ZYG11B: variants seen among roughly 807,000 people sequenced by gnomAD.
ZYG11B encodes protein zyg-11 homolog B.
ZYG11B carries 36 observed loss-of-function variants against 82.4 expected under a neutral mutation model. That is an observed-to-expected ratio of 0.44 (90% CI 0.33 to 0.58). The LOEUF is 0.58. Among genes scored for constraint, ZYG11B ranks in the 20% least tolerant of loss-of-function variants. The pLI is 0.02. For synonymous variants in ZYG11B, 303 were observed against 312.8 expected (o/e 0.97, Z 0.33); for missense variants, 552 against 895.6 (o/e 0.62, Z 4.90).
intron 1 of ZYG11B, among the ~76,000 whole-genome samples, chr1:52,741,899 A>G (rs945528578): frequency 2.6e-5 from 4 of 152,142 alleles, no homozygotes; most frequent in African/African-American, 9.7e-5. Context: ...TAGAGGTGGC[A>G]TTTTAATCCA....
At chr1:52,741,315 A>AAAAAAAAAAAAAAAAAAAAAAAG (rs1553257617) in intron 1 of ZYG11B, among the ~76,000 whole-genome samples, 1 of 142,602 alleles carries the variant, frequency 7.0e-6, no homozygotes, top group African/African-American at 2.9e-5. Flanking sequence ...AAAAAAAAAA[A>AAAAAAAAAAAAAAAAAAAAAAAG]AAAAGAAAAG....
In ZYG11B at chr1:52,772,568, C is replaced by T. The variant is rs576710314; in HGVS notation, c.951+794C>T. ...GCTCCTTCACGTCGTCAGATGTCAA[C>T]TTCAACCAAGTGGGGAAGCTGCGTC... On this transcript the variant is annotated intron_variant, in intron 3 of 13. Coordinates refer to ENST00000294353, the MANE Select transcript of ZYG11B (RefSeq NM_024646.3). 4.4e-6 allele frequency: 7 copies of T among 1,605,052 alleles called. No homozygotes were observed. The South Asian group carries it at 6.6e-5, about 15-fold the overall frequency.
intron 2 of ZYG11B, among the ~76,000 whole-genome samples, chr1:52,768,015 C>G (rs2149936428): frequency 6.6e-6 from 1 of 152,278 alleles, no homozygotes; most frequent in South Asian, 2.1e-4. Flanking sequence ...TAACACCTCC[C>G]CTGTGGGCAG....
chr1:52,746,949 G>T (rs1644483075), intron 1 of ZYG11B, among the ~76,000 whole-genome samples: 1 of 149,608 alleles, frequency 6.7e-6, no homozygotes, highest in South Asian at 2.1e-4. Flanking sequence ...GAGGCCTTAT[G>T]GGTAAGACAA....
rs1558147102 is a variant in ZYG11B at position 52,823,351 on chromosome 1, C to T, written c.*1722C>T. The T allele has an allele frequency of 6.6e-6, 1 of 151,456 alleles. No homozygotes were observed. The allele number at this position is 151,456 out of a possible 1,614,324, so 9.4% of individuals were successfully genotyped here. ...GTGTGGTGGCACCTGGGAAACAGAGCGAGACGCTGACTCAAATAAATATCT... is the reference window on the plus strand; with the variant it reads ...GTGTGGTGGCACCTGGGAAACAGAGTGAGACGCTGACTCAAATAAATATCT... On this transcript the variant is annotated 3_prime_UTR_variant, in exon 14 of 14. Coordinates refer to ENST00000294353, the MANE Select transcript of ZYG11B (RefSeq NM_024646.3).
intron 1 of ZYG11B, among the ~76,000 whole-genome samples, chr1:52,734,054 A>G (rs905144786): frequency 6.6e-6 from 1 of 152,122 alleles, no homozygotes; most frequent in Non-Finnish European, 1.5e-5. Flanking sequence ...GCTGGAGTGC[A>G]GGGGCGTAAT....
chr1:52,795,502 C>CT (rs1644999832), intron 6 of ZYG11B, among the ~76,000 whole-genome samples: 2 of 152,100 alleles, frequency 1.3e-5, no homozygotes, highest in Admixed American at 1.3e-4. Context: ...AGAACTCTTC[C>CT]CTTGTTCTCT....
At chr1:52,731,872 G>A (rs963349398) in intron 1 of ZYG11B, among the ~76,000 whole-genome samples, 4 of 152,172 alleles carry the variant, frequency 2.6e-5, no homozygotes, top group East Asian at 1.9e-4. Context: ...GTGCAACCAC[G>A]GCTTGCTGCA....
intron 2 of ZYG11B, among the ~76,000 whole-genome samples, chr1:52,763,443 G>A (rs187972423): frequency 4.6e-5 from 7 of 152,108 alleles, no homozygotes; most frequent in Admixed American, 2.0e-4. Flanking sequence ...GCAGGGTCTC[G>A]CTTTGTTACC....
intron 10 of ZYG11B, among the ~76,000 whole-genome samples, chr1:52,809,255 C>A (rs970268630): frequency 5.9e-5 from 9 of 152,126 alleles, no homozygotes; most frequent in Non-Finnish European, 1.0e-4. Context: ...GTAGAACCAT[C>A]ACTACCACTC....
chr1:52,787,021 G>A (rs1644918781), intron 5 of ZYG11B, among the ~76,000 whole-genome samples: 1 of 151,940 alleles, frequency 6.6e-6, no homozygotes, highest in Non-Finnish European at 1.5e-5. Context: ...ACCCGGGAGG[G>A]GGAGGTTGCA....
intron 1 of ZYG11B, among the ~76,000 whole-genome samples, chr1:52,728,075 A>G (rs1644299635): frequency 1.3e-5 from 2 of 152,168 alleles, no homozygotes; most frequent in Non-Finnish European, 1.5e-5. Context: ...CTGTTGTTGT[A>G]TGCTAACCTG....
chr1:52,783,622 T>C (rs1229634165), intron 4 of ZYG11B, among the ~76,000 whole-genome samples: 2 of 148,520 alleles, frequency 1.3e-5, no homozygotes, highest in African/African-American at 4.9e-5. Context: ...TTTTTTTTTT[T>C]TTTTTCTCTT....
intron 8 of ZYG11B, 79 bp downstream of exon 8, chr1:52,796,863 CA>C (rs1571785928): frequency 8.3e-6 from 2 of 240,254 alleles, no homozygotes; most frequent in Non-Finnish European, 1.4e-5. Flanking sequence ...TATTTTCTGA[CA>C]TTTTTTATAT....
chr1:52,808,451 A>T (rs1435369871), intron 10 of ZYG11B, among the ~76,000 whole-genome samples: 1 of 152,190 alleles, frequency 6.6e-6, no homozygotes, highest in African/African-American at 2.4e-5. Context: ...CATGTTTCCT[A>T]TATTTGGGAT....
Position 52,814,217 on chromosome 1 carries a change from C to G in ZYG11B, c.1946+305C>G, listed in dbSNP as rs561361692. Among the ~76,000 whole-genome samples, 9 of 152,282 alleles carry G rather than the reference C, an allele frequency of 5.9e-5. 1 individual carries two copies. The highest frequency in any genetic ancestry group is 5.2e-4 in the Admixed American group (8 of 15,298). On this transcript the variant is annotated intron_variant, in intron 12 of 13. Coordinates refer to ENST00000294353, the MANE Select transcript of ZYG11B (RefSeq NM_024646.3). ...TGTATTTTTAGTAGAGACGAGGTTTCACCATGTTGGCCAGGCTGGTCTTGA... is the reference window on the plus strand; with the variant it reads ...TGTATTTTTAGTAGAGACGAGGTTTGACCATGTTGGCCAGGCTGGTCTTGA...
chr1:52,773,613 ATATATATATATATAT>A (rs1558129006), intron 3 of ZYG11B, among the ~76,000 whole-genome samples: 1 of 19,256 alleles, frequency 5.2e-5, no homozygotes, highest in Non-Finnish European at 1.2e-4. Context: ...ATATATATAT[ATATATATATATATAT>A]TTTTTTTTTT....
intron 10 of ZYG11B, chr1:52,805,385 A>C (rs903573318): frequency 6.8e-6 from 3 of 443,750 alleles, no homozygotes; most frequent in African/African-American, 2.0e-5. Flanking sequence ...AGCCTTCATT[A>C]TATAAGGTAG....
At chr1:52,748,015 A>G (rs956725785) in intron 1 of ZYG11B, among the ~76,000 whole-genome samples, 2 of 152,234 alleles carry the variant, frequency 1.3e-5, no homozygotes, top group Non-Finnish European at 1.5e-5. Context: ...AGCACATAGC[A>G]TATATTAGCA....
Sources: allele counts gnomAD v4.1 joint callset (sites outside exome capture counted in the v4.1 genomes callset), GRCh38; gene constraint gnomAD v4.1.1; transcripts MANE v1.5; gene names NCBI Gene and HGNC (gene_info 2026-07-23, HGNC 2026-07-21).